The following BIN3 variants were observed in gnomAD, a reference collection of about 807,000 sequenced individuals.
BIN3 encodes the protein bridging integrator 3.
BIN3 carries 41 observed loss-of-function variants against 38.2 expected under a neutral mutation model. The ratio of observed to expected loss-of-function variants is 1.07; its 90% CI spans 0.84 to 1.39. The LOEUF (loss-of-function observed/expected upper bound fraction) is 1.39. Ranked by LOEUF, BIN3 falls within the 40% of genes most tolerant of loss-of-function variation. The pLI, the probability that BIN3 is intolerant of heterozygous loss-of-function variation, is 0.00. For synonymous variants in BIN3, 145 were observed against 122.6 expected (o/e 1.18, Z -1.21); for missense variants, 361 against 324.3 (o/e 1.11, Z -0.87).
intron 4 of BIN3, among the ~76,000 whole-genome samples, chr8:22,635,366 G>A (rs1022579762): frequency 2.0e-5 from 3 of 152,140 alleles, no homozygotes; most frequent in African/African-American, 7.2e-5. Flanking sequence ...AGAGTGCCTG[G>A]TGCACGTGGG....
chr8:22,634,495 T>A (rs1174812631), intron 4 of BIN3: 1 of 456,324 alleles, frequency 2.2e-6, no homozygotes. Context: ...AAGGTGTGTT[T>A]ACACATCAGT....
intron 1 of BIN3, among the ~76,000 whole-genome samples, chr8:22,667,140 G>A (rs1803447721): frequency 1.3e-5 from 2 of 152,190 alleles, no homozygotes; most frequent in African/African-American, 4.8e-5. Context: ...GAGGGACAAA[G>A]CCACCCTTCT....
At chr8:22,630,059 G>A (rs1276091251) in intron 5 of BIN3, 55 bp from the exon 6 acceptor site, 16 of 1,507,994 alleles carry the variant, frequency 1.1e-5, no homozygotes, top group South Asian at 7.0e-5. Context: ...AGGGCGACAC[G>A]CAAGGCAGGG....
In BIN3 at chr8:22,629,990, C is replaced by A. The variant is rs1200173657; in HGVS notation, c.312G>T (p.Gln104His). Residue 104 changes from glutamine to histidine, a missense_variant, in exon 6 of 9, where the codon CAG (glutamine) becomes CAT (histidine). Gln to His is a conservative substitution (Grantham distance 24). Coordinates refer to ENST00000276416, the MANE Select transcript of BIN3 (RefSeq NM_018688.6). ...AFNQEKVNQI[Q>H]KTVIEPLKKF... ...TTTTTAAGGGCTCGATCACAGTCTT[C>A]TGGATCTGGTTCACCTGTCAAAGAA... The A allele has an allele frequency of 6.2e-7, 1 of 1,609,782 alleles. No individual in the cohort carries two copies. The highest frequency in any genetic ancestry group is 8.5e-7 in the Non-Finnish European group (1 of 1,177,878).
intron 1 of BIN3, among the ~76,000 whole-genome samples, chr8:22,651,043 C>T (rs1352893813): frequency 6.6e-6 from 1 of 152,164 alleles, no homozygotes; most frequent in Non-Finnish European, 1.5e-5. Context: ...GAGTCACAAA[C>T]TCGTAAGAGT....
intron 6 of BIN3, chr8:22,625,097 C>A: frequency 2.1e-6 from 1 of 477,578 alleles, no homozygotes; most frequent in Non-Finnish European, 3.7e-6. Context: ...CCCTGAGGAC[C>A]TCCACTGTGA....
intron 1 of BIN3, among the ~76,000 whole-genome samples, chr8:22,654,303 G>A (rs927461707): frequency 6.6e-6 from 1 of 152,164 alleles, no homozygotes; most frequent in African/African-American, 2.4e-5. Flanking sequence ...TTAGATGTAT[G>A]TATTCAATCT....
intron 1 of BIN3, among the ~76,000 whole-genome samples, chr8:22,662,907 C>G (rs554613486): frequency 6.6e-6 from 1 of 152,268 alleles, no homozygotes; most frequent in East Asian, 1.9e-4. Context: ...GAGGCCAAGA[C>G]GGGTGGATTA....
chr8:22,631,935 G>A (rs752739109), intron 4 of BIN3, among the ~76,000 whole-genome samples: 23 of 152,348 alleles, frequency 1.5e-4, no homozygotes, highest in African/African-American at 2.2e-4. Context: ...GGCAGGAAGC[G>A]GCCCTGGAGA....
intron 1 of BIN3, among the ~76,000 whole-genome samples, chr8:22,650,509 T>C (rs1479389682): frequency 1.3e-5 from 2 of 152,200 alleles, no homozygotes; most frequent in Non-Finnish European, 2.9e-5. Flanking sequence ...ACTATTTACC[T>C]ATATTTACTT....
chr8:22,630,662 AG>A, intron 4 of BIN3, 84 bp from the exon 5 acceptor site: 1 of 1,519,850 alleles, frequency 6.6e-7, no homozygotes. Context: ...CTCCTATGCC[AG>A]GGGCCTGCAC....
chr8:22,650,650 T>C (rs1037133226), intron 1 of BIN3, among the ~76,000 whole-genome samples: 1 of 152,226 alleles, frequency 6.6e-6, no homozygotes, highest in African/African-American at 2.4e-5. Flanking sequence ...CTAATCTCAT[T>C]TGCCAGAAAC....
At position 22,627,284 on chromosome 8, in the gene BIN3, C is replaced by T. The variant is rs1255463032; in HGVS notation, c.338+2680G>A. Among the ~76,000 whole-genome samples, 6 of 152,182 alleles carry T rather than the reference C, an allele frequency of 3.9e-5. No individual in the cohort carries two copies. The South Asian group carries it at 6.2e-4, about 16-fold the overall frequency. ...GGAACTCACATCAGTCAGGGCAGGG[C>T]GCAGCTTGTGCCAAGGTGGCTGAAG... On this transcript the variant is annotated intron_variant, in intron 6 of 8. Coordinates refer to ENST00000276416, the MANE Select transcript of BIN3 (RefSeq NM_018688.6).
At chr8:22,636,083 CT>C (rs1802356473) in intron 4 of BIN3, among the ~76,000 whole-genome samples, 2 of 152,238 alleles carry the variant, frequency 1.3e-5, no homozygotes, top group African/African-American at 4.8e-5. Context: ...TGGCCTTACA[CT>C]TTAACCCAAC....
chr8:22,647,265 G>A (rs1325604369), intron 1 of BIN3, among the ~76,000 whole-genome samples: 4 of 152,180 alleles, frequency 2.6e-5, no homozygotes, highest in African/African-American at 9.7e-5. Context: ...AATCAGAAAC[G>A]TAGATTCCAT....
At chr8:22,648,001 G>C (rs548974716) in intron 1 of BIN3, among the ~76,000 whole-genome samples, 4 of 152,072 alleles carry the variant, frequency 2.6e-5, no homozygotes, top group African/African-American at 9.6e-5. Flanking sequence ...TGGGCATGGT[G>C]GCGGGCACCT....
chr8:22,629,852 G>T, intron 6 of BIN3, 112 bp downstream of exon 6: 1 of 1,084,342 alleles, frequency 9.2e-7, no homozygotes, highest in Non-Finnish European at 1.4e-6. Context: ...TTTCCCGTCA[G>T]GCCCCATGGG....
At chr8:22,640,661 T>C (rs1054496479) in intron 2 of BIN3, among the ~76,000 whole-genome samples, 3 of 152,198 alleles carry the variant, frequency 2.0e-5, no homozygotes, top group Admixed American at 6.5e-5. Context: ...TGCTGAGTGT[T>C]AGCTGAACCC....
intron 1 of BIN3, among the ~76,000 whole-genome samples, chr8:22,652,181 T>C (rs1436050111): frequency 6.6e-6 from 1 of 152,216 alleles, no homozygotes; most frequent in East Asian, 1.9e-4. Context: ...AAGTTGCTTT[T>C]TTTCTTTTTG....
Sources: gnomAD v4.1 joint callset for allele counts (sites outside exome capture counted in the v4.1 genomes callset) on GRCh38, gnomAD v4.1.1 for gene constraint, MANE v1.5 for transcripts, NCBI Gene and HGNC (gene_info 2026-07-23, HGNC 2026-07-21) for gene names.